Variants in ANO3 observed in about 807,000 individuals in gnomAD.
ANO3 encodes the protein anoctamin-3.
Under a neutral mutation model 144.8 loss-of-function variants are expected in ANO3, and 99 were observed. The ratio of observed to expected loss-of-function variants is 0.68; its 90% CI spans 0.58 to 0.81. The LOEUF (loss-of-function observed/expected upper bound fraction) is 0.81. ANO3 is among the 30% of genes least tolerant of loss of function. The pLI is 0.00. For missense variants in ANO3, 905 were observed against 1,202.2 expected (o/e 0.75, Z 3.66); for synonymous variants, 414 against 392.6 (o/e 1.05, Z -0.64).
Position 26,272,805 on chromosome 11 carries a change from A to G in ANO3, c.155-36840A>G, listed in dbSNP as rs560291530. Among the ~76,000 whole-genome samples, 7 of 152,312 alleles carry G rather than the reference A, an allele frequency of 4.6e-5. No homozygotes were observed. The East Asian group carries it at 7.7e-4, about 17-fold the overall frequency. On this transcript the variant is annotated intron_variant, in intron 1 of 27. Transcript: ENST00000672621. ...CAAAGGACATTTATTAATAAGGAAG[A>G]TAAACAAATACCAGGTTATAAAGCA...
chr11:26,438,460 C>A (rs922516389), intron 1 of ANO3, among the ~76,000 whole-genome samples: 3 of 151,708 alleles, frequency 2.0e-5, no homozygotes, highest in African/African-American at 7.3e-5. Flanking sequence ...ATAATCACAG[C>A]TGCCGGCCGG....
intron 14 of ANO3, among the ~76,000 whole-genome samples, chr11:26,597,777 G>A (rs1851679476): frequency 6.6e-6 from 1 of 152,140 alleles, no homozygotes; most frequent in African/African-American, 2.4e-5. Flanking sequence ...AAATAAAACA[G>A]CAATCGTTTT....
At chr11:26,567,150 G>A in intron 14 of ANO3, 7 of 1,386,002 alleles carry the variant, frequency 5.1e-6, no homozygotes, top group Non-Finnish European at 6.6e-6. Flanking sequence ...CTGGAAAATG[G>A]AAGAGGCAAT....
intron 7 of ANO3, among the ~76,000 whole-genome samples, chr11:26,526,773 C>T (rs982923970): frequency 3.3e-5 from 5 of 152,066 alleles, no homozygotes; most frequent in African/African-American, 4.8e-5. Flanking sequence ...ATTAATGATG[C>T]TCTTCAACCG....
At chr11:26,588,593 T>C (rs968715087) in intron 14 of ANO3, among the ~76,000 whole-genome samples, 4 of 152,204 alleles carry the variant, frequency 2.6e-5, no homozygotes, top group Non-Finnish European at 5.9e-5. Flanking sequence ...AAAGATGTTT[T>C]TTGCTCAAGT....
chr11:26,332,107 C>T (rs1855061061), upstream of ANO3: 2 of 1,485,508 alleles, frequency 1.3e-6, no homozygotes, highest in East Asian at 2.5e-5. Flanking sequence ...CCCATGACAA[C>T]GACACCGGCG....
chr11:26,216,180 C>T (rs1852032874), intron 1 of ANO3, among the ~76,000 whole-genome samples: 1 of 151,860 alleles, frequency 6.6e-6, no homozygotes, highest in Non-Finnish European at 1.5e-5. Context: ...TTAGAATTTG[C>T]ATATATTAGG....
chr11:26,272,122 A>T (rs1853452529), intron 1 of ANO3, among the ~76,000 whole-genome samples: 1 of 152,120 alleles, frequency 6.6e-6, no homozygotes, highest in African/African-American at 2.4e-5. Flanking sequence ...TTATCAGTAA[A>T]AACTGATCCC....
At chr11:26,263,127 T>C (rs1286095355) in intron 1 of ANO3, among the ~76,000 whole-genome samples, 1 of 152,222 alleles carries the variant, frequency 6.6e-6, no homozygotes, top group Non-Finnish European at 1.5e-5. Flanking sequence ...CCATTATTAC[T>C]TGTTTCTTTT....
At chr11:26,462,663 A>G (rs561919128) in intron 3 of ANO3, among the ~76,000 whole-genome samples, 1 of 152,042 alleles carries the variant, frequency 6.6e-6, no homozygotes, top group African/African-American at 2.4e-5. Context: ...TTAAGCAAAT[A>G]AATGCTTGTA....
intron 14 of ANO3, among the ~76,000 whole-genome samples, chr11:26,564,882 A>G (rs1008022572): frequency 1.3e-4 from 19 of 149,180 alleles, no homozygotes; most frequent in African/African-American, 2.7e-4. Flanking sequence ...AAGCTGTACC[A>G]TTGCTTCAGT....
At chr11:26,647,961 A>G in intron 24 of ANO3, 105 bp downstream of exon 24, 1 of 1,086,334 alleles carries the variant, frequency 9.2e-7, no homozygotes. Flanking sequence ...TGGTGTTTCT[A>G]AGCATTGCAT....
intron 17 of ANO3, among the ~76,000 whole-genome samples, chr11:26,606,587 G>C (rs1851942832): frequency 6.9e-6 from 1 of 143,912 alleles, no homozygotes; most frequent in African/African-American, 2.5e-5. Context: ...GACTAGGATT[G>C]CAATCCCTGC....
At chr11:26,204,957 TCA>T (rs551576158) in intron 1 of ANO3, among the ~76,000 whole-genome samples, 80 of 152,256 alleles carry the variant, frequency 5.3e-4, no homozygotes, top group African/African-American at 1.9e-3. Context: ...TTTAATTGAC[TCA>T]CTGTTTTGCA....
intron 1 of ANO3, among the ~76,000 whole-genome samples, chr11:26,332,937 C>G (rs1246234447): frequency 6.6e-6 from 1 of 152,134 alleles, no homozygotes; most frequent in African/African-American, 2.4e-5. Flanking sequence ...CCTCAAGTTT[C>G]TTGCTGGGCA....
chr11:26,317,364 T>C (rs1854650018), intron 1 of ANO3, among the ~76,000 whole-genome samples: 2 of 152,048 alleles, frequency 1.3e-5, no homozygotes, highest in Admixed American at 1.3e-4. Context: ...TCTATCCATC[T>C]GACAAAGGGC....
At chr11:26,409,419 G>T (rs1056142799) in intron 1 of ANO3, among the ~76,000 whole-genome samples, 2 of 150,574 alleles carry the variant, frequency 1.3e-5, no homozygotes, top group Non-Finnish European at 3.0e-5. Context: ...ATGCTTTAGG[G>T]CTGGTGTCAG....
chr11:26,605,249 G>A (rs765301091), intron 17 of ANO3, among the ~76,000 whole-genome samples: 6 of 152,164 alleles, frequency 3.9e-5, no homozygotes, highest in Non-Finnish European at 7.4e-5. Flanking sequence ...AACCAGCCTT[G>A]TATCCCAGGG....
chr11:26,192,434 C>G (rs925915614), intron 1 of ANO3, among the ~76,000 whole-genome samples: 2 of 152,000 alleles, frequency 1.3e-5, no homozygotes, highest in African/African-American at 4.8e-5. Flanking sequence ...ACACATATTC[C>G]TAGCAGGGGA....
Sources: allele counts gnomAD v4.1 joint callset (sites outside exome capture counted in the v4.1 genomes callset), GRCh38; gene constraint gnomAD v4.1.1; transcripts MANE v1.5; gene names NCBI Gene and HGNC (gene_info 2026-07-23, HGNC 2026-07-21).